The following KAZN variants were observed in gnomAD, a reference collection of about 807,000 sequenced individuals.
KAZN encodes kazrin.
In KAZN, 40 loss-of-function variants were observed where a neutral mutation model predicts 87.4. The observed-to-expected ratio is 0.46, with a 90% CI of 0.36 to 0.60. The LOEUF (loss-of-function observed/expected upper bound fraction) is 0.60. Ranked by LOEUF, KAZN falls within the 20% of genes least tolerant of loss-of-function variation. KAZN has a pLI of 0.00. For synonymous variants in KAZN, 466 were observed against 458.3 expected (o/e 1.02, Z -0.22); for missense variants, 898 against 1,073.9 (o/e 0.84, Z 2.29).
Position 14,869,356 on chromosome 1 carries a change from T to C in KAZN, c.227-91328T>C, listed in dbSNP as rs183115925. The stretch of plus-strand genomic sequence containing the variant: ...CAGGGGTCAGACTCTGGACTCTTTA[T>C]GGAGCCTCAACGCAGGGGCTGTGAC... On this transcript the variant is annotated intron_variant, in intron 1 of 14. Transcript: ENST00000376030. Among the ~76,000 whole-genome samples, 647 of 152,336 alleles carry C rather than the reference T, an allele frequency of 4.2e-3. 8 individuals carry two copies. The highest frequency in any genetic ancestry group is 0.014 in the African/African-American group (562 of 41,582).
In KAZN at chr1:14,908,745, T is replaced by C. The variant is rs550490150; in HGVS notation, c.227-51939T>C. The stretch of plus-strand genomic sequence containing the variant: ...AAAGAACATGTGGGTCCGGGCATGG[T>C]GGCTCACGCCTGTAATCCCAGCACT... On this transcript the variant is annotated intron_variant, in intron 1 of 14. Coordinates refer to ENST00000376030, the MANE Select transcript of KAZN (RefSeq NM_201628.3). Among the ~76,000 whole-genome samples the C allele has an allele frequency of 1.0e-3, 155 of 152,162 alleles. 2 individuals are homozygous for C. The highest frequency in any genetic ancestry group is 1.6e-3 in the Non-Finnish European group (107 of 67,992).
At chr1:15,113,560 A>G (rs1641733272) in intron 14 of KAZN, 1 of 152,156 alleles carries the variant, frequency 6.6e-6, no homozygotes, top group Non-Finnish European at 1.5e-5. Flanking sequence ...AGAGAGAAGT[A>G]TTTTTGAAGG....
chr1:14,815,007 C>T lies in KAZN; in HGVS notation c.227-145677C>T, dbSNP rs187408778. ...TGCACAGTGGGCACCCAGTGGAAGG[C>T]AATGAGTGGACTTCCACTCACAGCA... On this transcript the variant is annotated intron_variant, in intron 1 of 14. Transcript: ENST00000376030. Among the ~76,000 whole-genome samples the T allele has an allele frequency of 2.6e-5, 4 of 152,278 alleles. No homozygotes were observed. The East Asian group carries it at 7.7e-4, about 29-fold the overall frequency.
intron 1 of KAZN, among the ~76,000 whole-genome samples, chr1:14,752,017 C>T (rs535555567): frequency 2.3e-3 from 350 of 152,244 alleles, no homozygotes; most frequent in Non-Finnish European, 3.6e-3. Flanking sequence ...GTGAGGGCCT[C>T]GGGCTGCTTC....
intron 2 of KAZN, among the ~76,000 whole-genome samples, chr1:14,186,708 A>G (rs1570966302): frequency 6.6e-6 from 1 of 152,288 alleles, no homozygotes; most frequent in South Asian, 2.1e-4. Context: ...TATTATTACC[A>G]CAAGGAAGAG....
chr1:14,879,076 G>A (rs1310947052), intron 1 of KAZN, among the ~76,000 whole-genome samples: 1 of 152,178 alleles, frequency 6.6e-6, no homozygotes, highest in East Asian at 1.9e-4. Flanking sequence ...GCCAAGAGCA[G>A]GAAGAGTCCC....
At chr1:14,654,551 C>T (rs1638667748) in intron 1 of KAZN, among the ~76,000 whole-genome samples, 2 of 152,082 alleles carry the variant, frequency 1.3e-5, no homozygotes, top group South Asian at 4.1e-4. Context: ...ATTTACCTGT[C>T]TCCTTCCCAC....
At chr1:14,061,155 GACT>G (rs1642778310) in intron 1 of KAZN, among the ~76,000 whole-genome samples, 1 of 152,188 alleles carries the variant, frequency 6.6e-6, no homozygotes. Flanking sequence ...CAAAGGATAA[GACT>G]ACAGGCAGTT....
chr1:14,398,265 C>T (rs970942372), intron 2 of KAZN, among the ~76,000 whole-genome samples: 1 of 152,164 alleles, frequency 6.6e-6, no homozygotes, highest in Non-Finnish European at 1.5e-5. Context: ...TTCCTACAAA[C>T]GAAGTTAGAT....
intron 2 of KAZN, among the ~76,000 whole-genome samples, chr1:14,506,576 C>T (rs990484581): frequency 1.3e-5 from 2 of 152,146 alleles, no homozygotes; most frequent in Non-Finnish European, 2.9e-5. Flanking sequence ...GTCCTTTCAA[C>T]TGCCAAAGTG....
intron 2 of KAZN, among the ~76,000 whole-genome samples, chr1:14,247,605 T>C (rs759872326): frequency 6.6e-6 from 1 of 152,148 alleles, no homozygotes; most frequent in Non-Finnish European, 1.5e-5. Flanking sequence ...GGTAGACCAA[T>C]AGGTAAAGAA....
intron 2 of KAZN, among the ~76,000 whole-genome samples, chr1:14,400,510 C>G (rs1224446230): frequency 1.3e-5 from 2 of 152,190 alleles, no homozygotes; most frequent in Non-Finnish European, 2.9e-5. Context: ...CAGAACCCAG[C>G]ACTCCAGCTC....
At chr1:14,457,113 A>T (rs1398477667) in intron 2 of KAZN, among the ~76,000 whole-genome samples, 1 of 152,180 alleles carries the variant, frequency 6.6e-6, no homozygotes, top group Non-Finnish European at 1.5e-5. Flanking sequence ...GCATATATTT[A>T]ATTTGACTAA....
intron 2 of KAZN, among the ~76,000 whole-genome samples, chr1:14,979,466 A>C (rs1666015835): frequency 6.6e-6 from 1 of 152,042 alleles, no homozygotes; most frequent in African/African-American, 2.4e-5. Context: ...TGGGCCCTGC[A>C]ATCAATTGAT....
chr1:13,974,392 T>C (rs2101057376), intron 1 of KAZN, among the ~76,000 whole-genome samples: 1 of 152,342 alleles, frequency 6.6e-6, no homozygotes, highest in Non-Finnish European at 1.5e-5. Flanking sequence ...CCTTTAAAGA[T>C]CTGCCCACAT....
intron 2 of KAZN, among the ~76,000 whole-genome samples, chr1:14,550,741 C>T (rs1449726793): frequency 5.3e-5 from 4 of 75,714 alleles, no homozygotes; most frequent in South Asian, 8.6e-4. Context: ...CTCTCTCTCC[C>T]CCACCCCGCC....
At chr1:14,837,221 T>C (rs1647350535) in intron 1 of KAZN, among the ~76,000 whole-genome samples, 1 of 152,218 alleles carries the variant, frequency 6.6e-6, no homozygotes, top group Non-Finnish European at 1.5e-5. Context: ...TTTTTGAGAC[T>C]GAGTTTCGCT....
intron 1 of KAZN, among the ~76,000 whole-genome samples, chr1:13,919,230 A>C (rs1639972486): frequency 1.3e-5 from 2 of 152,148 alleles, no homozygotes; most frequent in Non-Finnish European, 2.9e-5. Flanking sequence ...CCTTCTCCCA[A>C]GCACGACCTC....
In KAZN at chr1:14,902,811, T is replaced by G. The variant is rs866247500; in HGVS notation, c.227-57873T>G. ...TGAGGGGAGGGAGGATTTAGAAAAT[T>G]GAGGCAATTGTCCTTGTAGACACAT... On this transcript the variant is annotated intron_variant, in intron 1 of 14. Coordinates refer to ENST00000376030, the MANE Select transcript of KAZN (RefSeq NM_201628.3). Among the ~76,000 whole-genome samples the G allele has an allele frequency of 2.6e-5, 4 of 151,702 alleles. No individual in the cohort carries two copies. The South Asian group carries it at 6.3e-4, about 24-fold the overall frequency.
Sources: allele counts gnomAD v4.1 joint callset (sites outside exome capture counted in the v4.1 genomes callset), GRCh38; gene constraint gnomAD v4.1.1; transcripts MANE v1.5; gene names NCBI Gene and HGNC (gene_info 2026-07-23, HGNC 2026-07-21).